Variants in TCEA1 observed in about 807,000 individuals in gnomAD.
The protein encoded by TCEA1 is transcription elongation factor A protein 1.
In TCEA1, 21 loss-of-function variants were observed where a neutral mutation model predicts 43.8. The ratio of observed to expected loss-of-function variants is 0.48; its 90% CI spans 0.34 to 0.69. The LOEUF (loss-of-function observed/expected upper bound fraction) is 0.69, where lower values mean the gene tolerates loss of function less well. Among genes scored for constraint, TCEA1 ranks in the 30% least tolerant of loss-of-function variants. TCEA1 has a pLI of 0.01. For missense variants in TCEA1, 250 were observed against 365.1 expected, an observed-to-expected ratio of 0.68 and a Z score of 2.57; for synonymous variants, 104 against 117.5, an observed-to-expected ratio of 0.88 and a Z score of 0.75.
At chr8:53,975,351 A>T (rs980541585) in intron 8 of TCEA1, among the ~76,000 whole-genome samples, 1 of 152,140 alleles carries the variant, frequency 6.6e-6, no homozygotes, top group African/African-American at 2.4e-5. Context: ...TATTTTCCTA[A>T]TTTTTCTATA....
At chr8:53,982,707 C>T (rs1405812952) in intron 7 of TCEA1, among the ~76,000 whole-genome samples, 2 of 150,884 alleles carry the variant, frequency 1.3e-5, no homozygotes, top group East Asian at 1.9e-4. Context: ...CAAGATGTGA[C>T]TGAGTTGCTT....
intron 8 of TCEA1, among the ~76,000 whole-genome samples, chr8:53,978,141 G>A (rs958881969): frequency 1.3e-5 from 2 of 152,154 alleles, no homozygotes; most frequent in Admixed American, 6.6e-5. Flanking sequence ...GCTCATGCCT[G>A]TATTCCCAGT....
rs1367298099 is a variant in TCEA1, at chr8:53,967,773, T to C, written c.*331A>G. 3 of 269,982 alleles carry C rather than the reference T, an allele frequency of 1.1e-5. No individual in the cohort carries two copies. Among genetic ancestry groups the C allele is most frequent in the East Asian group, 1.1e-4 (2 of 18,378 alleles). The allele number at this position is 269,982 out of a possible 1,614,324, so 16.7% of individuals were successfully genotyped here. A position where few individuals can be genotyped will look rare whatever the true frequency, so the allele number is the denominator to read the frequency against. On this transcript the variant is annotated 3_prime_UTR_variant, in exon 10 of 10. Coordinates refer to ENST00000521604, the MANE Select transcript of TCEA1 (RefSeq NM_006756.4). ...ACAGAGAGTAACAGAATTTCTACTGTGTATGTTTCACAGTGTAAAAGAAAA... is the reference window on the plus strand; with the variant it reads ...ACAGAGAGTAACAGAATTTCTACTGCGTATGTTTCACAGTGTAAAAGAAAA...
chr8:53,979,025 C>T lies in TCEA1; in HGVS notation c.825G>A (p.Gln275=). 1 of 1,607,022 alleles carries T rather than the reference C, an allele frequency of 6.2e-7. No individual in the cohort carries two copies. Among genetic ancestry groups the T allele is most frequent in the Non-Finnish European group, 8.5e-7 (1 of 1,175,458 alleles). ...KCKKKNCTYT[Q]VQTRSADEPM... ...TAAGAATCTATAAACAATCACAAAC[C>T]TGTGTGTAAGTGCAATTCTTCTTTT... is the stretch of plus-strand genomic sequence containing the variant. Residue 275 remains glutamine (Q), a splice_region_variant and synonymous_variant, in exon 8 of 10, where the codon CAG becomes CAA. Coordinates refer to ENST00000521604, the MANE Select transcript of TCEA1 (RefSeq NM_006756.4).
At chr8:53,979,740 C>A (rs944882222) in intron 7 of TCEA1, among the ~76,000 whole-genome samples, 1 of 152,194 alleles carries the variant, frequency 6.6e-6, no homozygotes, top group African/African-American at 2.4e-5. Context: ...CCAGAGGACA[C>A]AAAGTGTGTG....
intron 8 of TCEA1, among the ~76,000 whole-genome samples, chr8:53,974,707 T>C (rs923562935): frequency 2.6e-5 from 4 of 152,034 alleles, no homozygotes; most frequent in Non-Finnish European, 5.9e-5. Flanking sequence ...TTTTGTATTT[T>C]TAGTAGAGAT....
At position 53,968,052 on chromosome 8, in the gene TCEA1, G is replaced by A. The variant is rs1803040632; in HGVS notation, c.*52C>T. On this transcript the variant is annotated 3_prime_UTR_variant, in exon 10 of 10. Transcript: ENST00000521604. ...AGTTGCTTGGCCTAGTTTAAAGCTA[G>A]TTACAAAATCCGTTTTCTTAATGGT... The A allele has an allele frequency of 6.6e-7, 1 of 1,508,804 alleles. No homozygotes were observed. The allele number at this position is 1,508,804 out of a possible 1,614,324, so 93.5% of individuals were successfully genotyped here. A position where few individuals can be genotyped will look rare whatever the true frequency, so the allele number is the denominator to read the frequency against.
At chr8:53,979,365 A>G (rs890606011) in intron 7 of TCEA1, among the ~76,000 whole-genome samples, 194 bp from the exon 8 acceptor site, 1 of 152,220 alleles carries the variant, frequency 6.6e-6, no homozygotes. Flanking sequence ...CAAATACTTA[A>G]AAGTTTACAT....
chr8:53,968,167 T>TC (rs1341442662), intron 9 of TCEA1, 55 bp from the exon 10 acceptor site: 10 of 1,410,394 alleles, frequency 7.1e-6, no homozygotes, highest in Non-Finnish European at 9.7e-6. Context: ...TAAGGTACAT[T>TC]CCCCATTTAA....
At chr8:53,973,661 GA>G in intron 8 of TCEA1, 2 of 553,992 alleles carry the variant, frequency 3.6e-6, no homozygotes, top group Admixed American at 2.4e-5. Context: ...GCAAAAAGAA[GA>G]AAAAGAAGAA....
intron 3 of TCEA1, among the ~76,000 whole-genome samples, chr8:53,996,170 G>A (rs896323314): frequency 6.6e-6 from 1 of 152,248 alleles, no homozygotes; most frequent in East Asian, 1.9e-4. Context: ...CTCTGGCACA[G>A]TGAATTAGTA....
chr8:53,979,473 C>A (rs1430802716), intron 7 of TCEA1, among the ~76,000 whole-genome samples: 2 of 152,202 alleles, frequency 1.3e-5, no homozygotes, highest in African/African-American at 4.8e-5. Context: ...CTCCATCTTG[C>A]TTCTAGTGTC....
rs183011935 is a variant in TCEA1 at position 53,993,603 on chromosome 8, G to A, written c.320+65C>T. ...GTGTAAATAGGGGAACATTAGACAGGGGAATTGATGCAGGAAGTAAAACTA... is the reference window on the plus strand; with the variant it reads ...GTGTAAATAGGGGAACATTAGACAGAGGAATTGATGCAGGAAGTAAAACTA... On this transcript the variant is annotated intron_variant, in intron 4 of 9. Coordinates refer to ENST00000521604, the MANE Select transcript of TCEA1 (RefSeq NM_006756.4). The A allele has an allele frequency of 3.3e-3, 4,337 of 1,327,816 alleles. 14 individuals carry two copies. The highest frequency in any genetic ancestry group is 3.8e-3 in the Non-Finnish European group (3,560 of 942,696). 82.3% of individuals were successfully genotyped at this position (1,327,816 alleles called of 1,614,324 possible).
Position 54,011,658 on chromosome 8 carries a change from C to T in TCEA1, c.64-1166G>A, listed in dbSNP as rs192059141. On this transcript the variant is annotated intron_variant, in intron 1 of 9. Coordinates refer to ENST00000521604, the MANE Select transcript of TCEA1 (RefSeq NM_006756.4). ...ATCCCCCCAAAAAAACAGAAAGAACCACAGCACGTCCCTCATTCAACACGC... is the reference window on the plus strand; with the variant it reads ...ATCCCCCCAAAAAAACAGAAAGAACTACAGCACGTCCCTCATTCAACACGC... Among the ~76,000 whole-genome samples the T allele has an allele frequency of 1.3e-4, 20 of 152,284 alleles. No homozygotes were observed. In the East Asian group the frequency reaches 2.7e-3, roughly 21 times the overall value.
intron 7 of TCEA1, among the ~76,000 whole-genome samples, chr8:53,980,104 C>T (rs1172889513): frequency 1.3e-5 from 2 of 152,186 alleles, no homozygotes; most frequent in East Asian, 1.9e-4. Context: ...GTGTAGTGGG[C>T]GGGAAGAAGC....
At chr8:53,970,360 A>G in intron 9 of TCEA1, 32 bp downstream of exon 9, 1 of 1,401,306 alleles carries the variant, frequency 7.1e-7, no homozygotes, top group Non-Finnish European at 1.0e-6. Flanking sequence ...ATTTTAAGTG[A>G]GTATATAATA....
chr8:53,969,209 GA>G (rs1420083129), intron 9 of TCEA1, among the ~76,000 whole-genome samples: 1 of 152,186 alleles, frequency 6.6e-6, no homozygotes, highest in Non-Finnish European at 1.5e-5. Context: ...AGAATCGCTT[GA>G]ACCTGGGAGG....
At chr8:53,972,728 G>T in intron 8 of TCEA1, 3 of 687,740 alleles carry the variant, frequency 4.4e-6, no homozygotes, top group Non-Finnish European at 8.4e-6. Context: ...GAGAAAAACT[G>T]AGAGGTTATC....
intron 8 of TCEA1, chr8:53,973,131 G>A (rs538333503): frequency 5.0e-6 from 3 of 604,702 alleles, no homozygotes; most frequent in Non-Finnish European, 9.4e-6. Context: ...ACAAGGTGAT[G>A]ATGAAGTCAA....
Sources: gnomAD v4.1 joint callset for allele counts (sites outside exome capture counted in the v4.1 genomes callset) on GRCh38, gnomAD v4.1.1 for gene constraint, MANE v1.5 for transcripts, NCBI Gene and HGNC (gene_info 2026-07-23, HGNC 2026-07-21) for gene names.